Variants in ACSM1 observed in about 807,000 individuals in gnomAD.
ACSM1 encodes acyl-CoA synthetase medium chain family member 1.
In ACSM1, 79 loss-of-function variants were observed where a neutral mutation model predicts 75.8. The ratio of observed to expected loss-of-function variants is 1.04; its 90% confidence interval spans 0.87 to 1.26. The LOEUF is 1.26. Among genes scored for constraint, ACSM1 ranks in the 50% most tolerant of loss-of-function variants. The probability of loss-of-function intolerance (pLI) is 0.00; values close to 1 mark genes in which losing one functional copy is unlikely to be tolerated. For synonymous variants in ACSM1, 279 were observed against 265.8 expected (o/e 1.05, Z -0.48); for missense variants, 676 against 720.1 (o/e 0.94, Z 0.70).
chr16:20,683,963 C>T (rs2079500916), intron 3 of ACSM1, among the ~76,000 whole-genome samples: 1 of 152,074 alleles, frequency 6.6e-6, no homozygotes, highest in Admixed American at 6.6e-5. Context: ...TTCTTGATTT[C>T]ACATGATCTG....
At chr16:20,627,016 G>T (rs111660608) in intron 11 of ACSM1, among the ~76,000 whole-genome samples, 173 bp downstream of exon 11, 4 of 151,870 alleles carry the variant, frequency 2.6e-5, no homozygotes, top group African/African-American at 9.7e-5. Flanking sequence ...ATTCTTCTGC[G>T]TGCAGAGAAG....
chr16:20,671,489 C>A, intron 5 of ACSM1, 42 bp downstream of exon 5: 1 of 1,558,568 alleles, frequency 6.4e-7, no homozygotes, highest in Non-Finnish European at 8.7e-7. Context: ...AAACTTTGCC[C>A]ACATCTGGGT....
intron 10 of ACSM1, among the ~76,000 whole-genome samples, chr16:20,633,247 A>G (rs983187336): frequency 1.3e-5 from 2 of 152,226 alleles, no homozygotes; most frequent in African/African-American, 4.8e-5. Context: ...TGGCATGACC[A>G]TATATAGAAA....
chr16:20,673,402 G>A (rs1050471556), intron 4 of ACSM1, among the ~76,000 whole-genome samples: 4 of 152,150 alleles, frequency 2.6e-5, no homozygotes, highest in African/African-American at 9.7e-5. Context: ...AGAGTACTCT[G>A]TTTTAATTAA....
intron 13 of ACSM1, 71 bp from the exon 14 acceptor site, chr16:20,623,643 T>C: frequency 6.9e-7 from 1 of 1,441,778 alleles, no homozygotes; most frequent in Non-Finnish European, 9.7e-7. Context: ...TCCACTCTCC[T>C]CCTCTGCCCC....
At chr16:20,658,890 T>C (rs2019145622) in intron 7 of ACSM1, among the ~76,000 whole-genome samples, 1 of 152,236 alleles carries the variant, frequency 6.6e-6, no homozygotes, top group Non-Finnish European at 1.5e-5. Flanking sequence ...GAAATAACCC[T>C]TAATAAGTAA....
At chr16:20,665,858 C>T (rs1194072442) in intron 6 of ACSM1, among the ~76,000 whole-genome samples, 1 of 152,092 alleles carries the variant, frequency 6.6e-6, no homozygotes, top group Non-Finnish European at 1.5e-5. Flanking sequence ...CAGGATTCAC[C>T]TCTTAAACAG....
intron 3 of ACSM1, among the ~76,000 whole-genome samples, chr16:20,684,853 TTG>T (rs529798511): frequency 2.0e-5 from 3 of 151,226 alleles, no homozygotes; most frequent in African/African-American, 7.3e-5. Flanking sequence ...GTATGTGTGT[TTG>T]TGTGTGTGTG....
At chr16:20,637,862 G>C (rs1433485087) in intron 8 of ACSM1, among the ~76,000 whole-genome samples, 1 of 152,206 alleles carries the variant, frequency 6.6e-6, no homozygotes, top group Non-Finnish European at 1.5e-5. Context: ...AGCAGTGATA[G>C]GGATTCTGCC....
At chr16:20,671,753 C>A (rs922715288) in intron 4 of ACSM1, 82 bp from the exon 5 acceptor site, 1 of 1,405,498 alleles carries the variant, frequency 7.1e-7, no homozygotes, top group Non-Finnish European at 9.3e-7. Flanking sequence ...AAACATAAGG[C>A]ACGGACAGGA....
intron 4 of ACSM1, among the ~76,000 whole-genome samples, chr16:20,674,266 G>A (rs1224913682): frequency 6.6e-6 from 1 of 152,128 alleles, no homozygotes; most frequent in Non-Finnish European, 1.5e-5. Flanking sequence ...CCCTTTCCCA[G>A]GCATTGTGAA....
chr16:20,647,666 C>T (rs930317639), intron 7 of ACSM1, among the ~76,000 whole-genome samples: 2 of 152,002 alleles, frequency 1.3e-5, no homozygotes, highest in Admixed American at 6.6e-5. Flanking sequence ...TTTTATGCTA[C>T]TAATTACGAT....
At chr16:20,627,748 G>A (rs760896020) in intron 10 of ACSM1, among the ~76,000 whole-genome samples, 2 of 151,436 alleles carry the variant, frequency 1.3e-5, no homozygotes, top group Non-Finnish European at 2.9e-5. Flanking sequence ...AGAATCGCTT[G>A]AACCTGGGAG....
chr16:20,651,553 C>T (rs758007293), intron 7 of ACSM1, among the ~76,000 whole-genome samples: 4 of 152,110 alleles, frequency 2.6e-5, no homozygotes, highest in South Asian at 4.1e-4. Flanking sequence ...TGCTTAAGCC[C>T]GGGAGACGGA....
In ACSM1 at chr16:20,682,360, G is replaced by A. The variant is rs1316344572; in HGVS notation, c.507C>T (p.Ala169=). The A allele has an allele frequency of 2.5e-6, 4 of 1,614,070 alleles. No homozygotes were observed. In the South Asian group the frequency reaches 3.3e-5, roughly 13 times the overall value. The change falls in exon 4 of 14, where the codon GCC becomes GCT. Residue 169 remains alanine, a synonymous_variant. Coordinates refer to ENST00000520010, the MANE Select transcript of ACSM1 (RefSeq NM_001318890.3). ...AKGIVTIDAL[A]SEVDSIASQC... is the part of the protein sequence containing the mutation. ...GAGAAGCTATGGAGTCCACCTCTGAGGCAAGGGCATCTATGGTCACAATGC... is the reference window on the plus strand; with the variant it reads ...GAGAAGCTATGGAGTCCACCTCTGAAGCAAGGGCATCTATGGTCACAATGC...
At chr16:20,685,113 G>A in intron 3 of ACSM1, 80 bp downstream of exon 3, 1 of 1,480,212 alleles carries the variant, frequency 6.8e-7, no homozygotes, top group South Asian at 1.1e-5. Context: ...GCCAGGCTGG[G>A]TGCACAGCAC....
intron 5 of ACSM1, 100 bp from the exon 6 acceptor site, chr16:20,670,086 TC>T (rs2019812999): frequency 8.3e-7 from 1 of 1,199,102 alleles, no homozygotes; most frequent in Admixed American, 2.1e-5. Context: ...TTTCTCACTC[TC>T]AGTTCATGTG....
intron 2 of ACSM1, among the ~76,000 whole-genome samples, chr16:20,689,536 T>A (rs2079615678): frequency 6.6e-6 from 1 of 151,976 alleles, no homozygotes. Context: ...AAAAAAAAAA[T>A]CCAACTACAT....
intron 10 of ACSM1, among the ~76,000 whole-genome samples, chr16:20,628,958 C>T (rs2017172994): frequency 1.3e-5 from 2 of 152,072 alleles, no homozygotes; most frequent in South Asian, 4.2e-4. Context: ...GTTTTAAGAG[C>T]TACCCGAAAA....
Sources: gnomAD v4.1 joint callset for allele counts (sites outside exome capture counted in the v4.1 genomes callset) on GRCh38, gnomAD v4.1.1 for gene constraint, MANE v1.5 for transcripts, NCBI Gene and HGNC (gene_info 2026-07-23, HGNC 2026-07-21) for gene names.